DEPDC5: variants seen among roughly 807,000 people sequenced by gnomAD.
The protein encoded by DEPDC5 is DEP domain containing 5, GATOR1 subcomplex subunit.
Under a neutral mutation model 217.3 loss-of-function variants are expected in DEPDC5, and 73 were observed. The observed-to-expected ratio is 0.34, with a 90% CI of 0.28 to 0.41. The LOEUF (loss-of-function observed/expected upper bound fraction) is 0.41. Among genes scored for constraint, DEPDC5 ranks in the 10% least tolerant of loss-of-function variants. The pLI is 1.00. For missense variants in DEPDC5, 1,675 were observed against 2,070.1 expected, an observed-to-expected ratio of 0.81 and a Z score of 3.70; for synonymous variants, 733 against 756.7, an observed-to-expected ratio of 0.97 and a Z score of 0.51.
chr22:31,792,030 TAGG>T lies in DEPDC5; in HGVS notation c.625_627del (p.Glu209del). 1 of 1,609,940 alleles carries T rather than the reference TAGG, an allele frequency of 6.2e-7. No homozygotes were observed. ...AACCCTGTTGTTCTCTACTCATGCT[TAGG>T]AGAAGAACTGTAGTCATGAAGTGAC... On this transcript the variant is annotated splice_acceptor_variant and coding_sequence_variant, in exon 11 of 43. Coordinates refer to ENST00000651528, the MANE Select transcript of DEPDC5 (RefSeq NM_001242896.3). LOFTEE classifies it high-confidence loss of function.
chr22:31,820,073 T>C (rs1265188028), intron 22 of DEPDC5, among the ~76,000 whole-genome samples: 1 of 152,174 alleles, frequency 6.6e-6, no homozygotes, highest in African/African-American at 2.4e-5. Context: ...TGGGCTCTTA[T>C]TGAGCTGGAA....
intron 16 of DEPDC5, among the ~76,000 whole-genome samples, 163 bp downstream of exon 16, chr22:31,804,386 T>C (rs1470446934): frequency 6.6e-6 from 1 of 152,148 alleles, no homozygotes; most frequent in African/African-American, 2.4e-5. Flanking sequence ...GCTATGAACA[T>C]GCCTATGAAT....
At chr22:31,815,957 C>T in intron 21 of DEPDC5, 1 of 992,934 alleles carries the variant, frequency 1.0e-6, no homozygotes. Context: ...TTATGATTTC[C>T]ATTTGTGCCA....
intron 36 of DEPDC5, among the ~76,000 whole-genome samples, chr22:31,874,997 G>A (rs1226121662): frequency 6.6e-6 from 1 of 152,200 alleles, no homozygotes; most frequent in Non-Finnish European, 1.5e-5. Context: ...CTCAGAACTG[G>A]AACTCTGGAA....
intron 38 of DEPDC5, chr22:31,879,957 G>A (rs1046217959): frequency 6.2e-5 from 36 of 579,116 alleles, no homozygotes; most frequent in Admixed American, 9.0e-5. Context: ...ACCAACAGAC[G>A]GTATTTAGCA....
At chr22:31,787,649 A>C (rs993774015) in intron 10 of DEPDC5, among the ~76,000 whole-genome samples, 1 of 152,068 alleles carries the variant, frequency 6.6e-6, no homozygotes, top group Non-Finnish European at 1.5e-5. Context: ...TACAAAAATA[A>C]AAATAGAAAA....
chr22:31,837,554 A>G (rs969780159), intron 26 of DEPDC5, among the ~76,000 whole-genome samples: 2 of 152,000 alleles, frequency 1.3e-5, no homozygotes, highest in African/African-American at 2.4e-5. Flanking sequence ...CTATTTTGCC[A>G]TATTGCCCAG....
chr22:31,816,496 T>A (rs2089145806), intron 21 of DEPDC5: 1 of 152,080 alleles, frequency 6.6e-6, no homozygotes, highest in Non-Finnish European at 1.5e-5. Context: ...AGTGGCATGA[T>A]CTCAGCTCAC....
chr22:31,845,004 C>T lies in DEPDC5; in HGVS notation c.2802-14C>T. ...TTCTCTCACCACCACCCTGTGTTTTCCTTGCCCCCTTAGCTTAATTGAGTC... is the reference window on the plus strand; with the variant it reads ...TTCTCTCACCACCACCCTGTGTTTTTCTTGCCCCCTTAGCTTAATTGAGTC... On this transcript the variant is annotated splice_polypyrimidine_tract_variant and intron_variant, in intron 29 of 42. Coordinates refer to ENST00000651528, the MANE Select transcript of DEPDC5 (RefSeq NM_001242896.3). The T allele has an allele frequency of 6.2e-7, 1 of 1,613,968 alleles. No individual in the cohort carries two copies. Among genetic ancestry groups the T allele is most frequent in the Non-Finnish European group, 8.5e-7 (1 of 1,179,888 alleles).
rs1310661791 is a variant in DEPDC5 at position 31,777,417 on chromosome 22, C to T, written c.414-682C>T. The stretch of plus-strand genomic sequence containing the variant: ...CTGAGATTACAGGCGCATGCCACCA[C>T]GCCCAGCTAATTTTTTTTTTTTTTA... On this transcript the variant is annotated intron_variant, in intron 7 of 42. Coordinates refer to ENST00000651528, the MANE Select transcript of DEPDC5 (RefSeq NM_001242896.3). Among the ~76,000 whole-genome samples the T allele has an allele frequency of 6.0e-5, 9 of 149,010 alleles. No individual in the cohort carries two copies. The East Asian group carries it at 7.8e-4, about 13-fold the overall frequency.
At chr22:31,869,499 A>T (rs2092780786) in intron 33 of DEPDC5, among the ~76,000 whole-genome samples, 1 of 148,032 alleles carries the variant, frequency 6.8e-6, no homozygotes, top group African/African-American at 2.5e-5. Flanking sequence ...CAGGAGGCAG[A>T]GGTTGCAGTG....
intron 10 of DEPDC5, among the ~76,000 whole-genome samples, chr22:31,790,001 A>G (rs1480709656): frequency 6.6e-6 from 1 of 152,122 alleles, no homozygotes; most frequent in Non-Finnish European, 1.5e-5. Flanking sequence ...CACATCACTT[A>G]TGAGTTGAGA....
chr22:31,808,982 A>G (rs2087910133), intron 18 of DEPDC5, among the ~76,000 whole-genome samples: 1 of 151,866 alleles, frequency 6.6e-6, no homozygotes. Context: ...TGCTCAGGCT[A>G]GTCTCAAACT....
intron 9 of DEPDC5, 188 bp downstream of exon 9, chr22:31,784,173 TC>T: frequency 4.3e-6 from 2 of 467,460 alleles, no homozygotes; most frequent in Non-Finnish European, 7.5e-6. Context: ...TTTTCAATAA[TC>T]AAATTTTTTT....
intron 38 of DEPDC5, among the ~76,000 whole-genome samples, chr22:31,887,289 G>A (rs966280098): frequency 5.9e-5 from 9 of 151,378 alleles, no homozygotes; most frequent in African/African-American, 1.9e-4. Context: ...GTGTGGTGGT[G>A]GGCACCTGTA....
chr22:31,889,342 A>G (rs1263966683), intron 38 of DEPDC5, among the ~76,000 whole-genome samples: 1 of 152,220 alleles, frequency 6.6e-6, no homozygotes, highest in Admixed American at 6.5e-5. Flanking sequence ...CAGGGCCAGT[A>G]GTATCTTCAG....
intron 7 of DEPDC5, among the ~76,000 whole-genome samples, chr22:31,774,101 C>CA (rs892798132): frequency 2.6e-5 from 4 of 151,870 alleles, no homozygotes; most frequent in Middle Eastern, 3.4e-3. Context: ...ACAACAACAA[C>CA]AAAAAATATA....
intron 37 of DEPDC5, among the ~76,000 whole-genome samples, chr22:31,878,526 A>G (rs986597168): frequency 6.6e-6 from 1 of 150,852 alleles, no homozygotes; most frequent in East Asian, 2.0e-4. Flanking sequence ...CAAGAAACAT[A>G]GCGAAACCCC....
intron 33 of DEPDC5, among the ~76,000 whole-genome samples, chr22:31,869,621 G>A (rs1380304861): frequency 2.7e-5 from 4 of 149,912 alleles, no homozygotes; most frequent in African/African-American, 9.9e-5. Flanking sequence ...TTGTGGAGAA[G>A]AGCACCCCAG....
Sources: gnomAD v4.1 joint callset for allele counts (sites outside exome capture counted in the v4.1 genomes callset) on GRCh38, gnomAD v4.1.1 for gene constraint, MANE v1.5 for transcripts, NCBI Gene and HGNC (gene_info 2026-07-23, HGNC 2026-07-21) for gene names.